ZCWPW2: variants seen among roughly 807,000 people sequenced by gnomAD.
The protein encoded by ZCWPW2 is zinc finger CW-type and PWWP domain containing 2, also known as zinc finger CW-type PWWP domain protein 2.
Under a neutral mutation model 46.6 loss-of-function variants are expected in ZCWPW2, and 45 were observed. That is an observed-to-expected ratio of 0.96 (90% CI 0.76 to 1.24). The LOEUF (loss-of-function observed/expected upper bound fraction) is 1.24. Ranked by LOEUF, ZCWPW2 falls within the 50% of genes most tolerant of loss-of-function variation. The pLI is 0.00. For synonymous variants in ZCWPW2, 152 were observed against 137.1 expected, an observed-to-expected ratio of 1.11 and a Z score of -0.76; for missense variants, 429 against 403.9, an observed-to-expected ratio of 1.06 and a Z score of -0.53.
intron 6 of ZCWPW2, among the ~76,000 whole-genome samples, chr3:28,508,547 G>A (rs553083343): frequency 3.3e-5 from 5 of 151,552 alleles, no homozygotes; most frequent in Non-Finnish European, 5.9e-5. Flanking sequence ...AGACAGAGTC[G>A]CACTCCATCA....
chr3:28,503,858 A>G (rs1037531664), intron 6 of ZCWPW2, among the ~76,000 whole-genome samples: 3 of 150,132 alleles, frequency 2.0e-5, no homozygotes, highest in African/African-American at 7.3e-5. Flanking sequence ...ATTTAAAATT[A>G]TAATGATTTT....
At position 28,369,891 on chromosome 3, in the gene ZCWPW2, C is replaced by A. The variant is rs1705253500; in HGVS notation, c.-133-20607C>A. 2.0e-5 allele frequency among the ~76,000 whole-genome samples: 3 copies of A among 152,182 alleles called. No homozygotes were observed. The South Asian group carries it at 6.2e-4, about 31-fold the overall frequency. On this transcript the variant is annotated intron_variant, in intron 1 of 9. Transcript: ENST00000383768. ...CTCCCCCAGCCTCGCTGCCACCTTG[C>A]AGTTTGATCTCAGACTGCTGTGCTA...
At chr3:28,445,182 C>CAT (rs146210607) in intron 4 of ZCWPW2, among the ~76,000 whole-genome samples, 7,479 of 143,824 alleles carry the variant, frequency 0.052, 190 homozygotes, top group Middle Eastern at 0.068. Context: ...ATATACCTAT[C>CAT]ATATATATAT....
intron 1 of ZCWPW2, among the ~76,000 whole-genome samples, chr3:28,370,108 G>A (rs1705270193): frequency 6.6e-6 from 1 of 152,188 alleles, no homozygotes; most frequent in Non-Finnish European, 1.5e-5. Context: ...AGCTTCCTGG[G>A]TGAGGTGATG....
Position 28,380,990 on chromosome 3 carries a change from T to TATAG in ZCWPW2, c.-133-9505_-133-9504insGATA, listed in dbSNP as rs1695053305. Among the ~76,000 whole-genome samples the TATAG allele has an allele frequency of 4.7e-4, 22 of 47,130 alleles. 6 individuals are homozygous for TATAG. Among genetic ancestry groups the TATAG allele is most frequent in the African/African-American group, 2.6e-3 (21 of 8,006 alleles). The allele number at this position is 47,130 out of a possible 152,430, so 30.9% of individuals were successfully genotyped here. A position where few individuals can be genotyped will look rare whatever the true frequency, so the allele number is the denominator to read the frequency against. ...TATATATTTGGTATATATATATATA[T>TATAG]ATATATTTGGTATATATATATATAT... On this transcript the variant is annotated intron_variant, in intron 1 of 9. Coordinates refer to ENST00000383768, the MANE Select transcript of ZCWPW2 (RefSeq NM_001040432.4).
intron 1 of ZCWPW2, among the ~76,000 whole-genome samples, chr3:28,366,711 A>C (rs1705130816): frequency 6.6e-6 from 1 of 152,160 alleles, no homozygotes; most frequent in African/African-American, 2.4e-5. Context: ...TAGTTTCAGA[A>C]GGAATGGTAC....
At chr3:28,378,924 A>T (rs1342334129) in intron 1 of ZCWPW2, among the ~76,000 whole-genome samples, 1 of 152,124 alleles carries the variant, frequency 6.6e-6, no homozygotes, top group East Asian at 1.9e-4. Context: ...GAGATTGCTG[A>T]GGCATATAAT....
intron 6 of ZCWPW2, among the ~76,000 whole-genome samples, chr3:28,503,950 CT>C (rs1290438322): frequency 9.2e-5 from 14 of 151,918 alleles, no homozygotes; most frequent in Non-Finnish European, 8.8e-5. Flanking sequence ...AATCCTTGCA[CT>C]TTGGAAGGCT....
chr3:28,464,510 C>A (rs1337658409), intron 4 of ZCWPW2, among the ~76,000 whole-genome samples: 1 of 152,076 alleles, frequency 6.6e-6, no homozygotes, highest in African/African-American at 2.4e-5. Context: ...ACCCGCAAAG[C>A]ACACTGTAGT....
chr3:28,422,160 A>G (rs1696818339), intron 3 of ZCWPW2, among the ~76,000 whole-genome samples: 1 of 152,052 alleles, frequency 6.6e-6, no homozygotes, highest in East Asian at 1.9e-4. Context: ...AATATCCCAC[A>G]CTGGTGTGGT....
chr3:28,438,776 G>A (rs1697599508), intron 4 of ZCWPW2, among the ~76,000 whole-genome samples: 1 of 151,994 alleles, frequency 6.6e-6, no homozygotes, highest in African/African-American at 2.4e-5. Flanking sequence ...ACTAAAGGAA[G>A]ATATTGAGAG....
chr3:28,417,051 C>T (rs1410187735), intron 3 of ZCWPW2, among the ~76,000 whole-genome samples: 4 of 150,046 alleles, frequency 2.7e-5, no homozygotes, highest in African/African-American at 4.9e-5. Context: ...AGGCAGGATT[C>T]CCTCTCTTTT....
At chr3:28,457,851 A>C (rs1414065094) in intron 4 of ZCWPW2, among the ~76,000 whole-genome samples, 1 of 152,206 alleles carries the variant, frequency 6.6e-6, no homozygotes, top group African/African-American at 2.4e-5. Flanking sequence ...CAGTGTTTTT[A>C]TTCTTTTTAA....
At chr3:28,438,395 C>G (rs1383882613) in intron 4 of ZCWPW2, among the ~76,000 whole-genome samples, 1 of 152,062 alleles carries the variant, frequency 6.6e-6, no homozygotes, top group Non-Finnish European at 1.5e-5. Context: ...ACTGTATATA[C>G]AGGGAAAATT....
At chr3:28,373,504 G>A (rs1705407900) in intron 1 of ZCWPW2, among the ~76,000 whole-genome samples, 1 of 151,792 alleles carries the variant, frequency 6.6e-6, no homozygotes, top group Non-Finnish European at 1.5e-5. Context: ...GTCTCGCTCT[G>A]TTGCCCAGGC....
chr3:28,514,025 C>A, intron 6 of ZCWPW2, 39 bp from the exon 7 acceptor site: 1 of 1,443,186 alleles, frequency 6.9e-7, no homozygotes, highest in Non-Finnish European at 9.4e-7. Flanking sequence ...TGATTTAGTC[C>A]TATATGAACT....
intron 1 of ZCWPW2, among the ~76,000 whole-genome samples, chr3:28,359,285 CA>C (rs1276969672): frequency 6.6e-6 from 1 of 152,016 alleles, no homozygotes; most frequent in Non-Finnish European, 1.5e-5. Flanking sequence ...TGTTTTTTGA[CA>C]ATAAGTATTG....
chr3:28,466,536 T>C lies in ZCWPW2; in HGVS notation c.493-12278T>C, dbSNP rs185233321. Among the ~76,000 whole-genome samples the C allele has an allele frequency of 2.9e-3, 440 of 152,286 alleles. 5 individuals are homozygous for C. The highest frequency in any genetic ancestry group is 9.8e-3 in the African/African-American group (409 of 41,568). On this transcript the variant is annotated intron_variant, in intron 4 of 9. Transcript: ENST00000383768. ...GCCCGAGACTGGCTGTGGTGGCTCA[T>C]GCCTGTAATCCCAGCACTTTGGGAG... is the stretch of plus-strand genomic sequence containing the variant.
chr3:28,384,822 G>T (rs1161028565), intron 1 of ZCWPW2, among the ~76,000 whole-genome samples: 1 of 151,852 alleles, frequency 6.6e-6, no homozygotes, highest in Non-Finnish European at 1.5e-5. Context: ...TACCATGTTG[G>T]CCAGGCTGGT....
Sources: allele counts gnomAD v4.1 joint callset (sites outside exome capture counted in the v4.1 genomes callset), GRCh38; gene constraint gnomAD v4.1.1; transcripts MANE v1.5; gene names NCBI Gene and HGNC (gene_info 2026-07-23, HGNC 2026-07-21).